The following CLMN variants were observed in gnomAD, a reference collection of about 807,000 sequenced individuals.
CLMN encodes the protein calmin, also known as calmin (calponin-like, transmembrane).
Under a neutral mutation model 92.7 loss-of-function variants are expected in CLMN, and 57 were observed. The observed-to-expected ratio is 0.61, with a 90% confidence interval of 0.50 to 0.77. CLMN has a LOEUF of 0.77. CLMN is among the 30% of genes least tolerant of loss of function. The pLI is 0.00. For synonymous variants in CLMN, 466 were observed against 470.6 expected, an observed-to-expected ratio of 0.99 and a Z score of 0.13; for missense variants, 1,158 against 1,237.5, an observed-to-expected ratio of 0.94 and a Z score of 0.96.
chr14:95,206,660 T>TA (rs1312089461), intron 8 of CLMN, among the ~76,000 whole-genome samples: 1 of 152,244 alleles, frequency 6.6e-6, no homozygotes, highest in Non-Finnish European at 1.5e-5. Flanking sequence ...TAGATGTAAA[T>TA]AGACTGTTCT....
chr14:95,250,422 C>T (rs1898735765), intron 1 of CLMN, among the ~76,000 whole-genome samples: 1 of 152,234 alleles, frequency 6.6e-6, no homozygotes, highest in South Asian at 2.1e-4. Flanking sequence ...CCTGTGGGTA[C>T]TTGCAATTCT....
chr14:95,223,633 T>TA lies in CLMN; in HGVS notation c.240+126dup, dbSNP rs1449792591. 13 of 666,092 alleles carry TA rather than the reference T, an allele frequency of 2.0e-5. No individual in the cohort carries two copies. In the South Asian group the frequency reaches 2.6e-4, roughly 13 times the overall value. 41.3% of individuals were successfully genotyped at this position (666,092 alleles called of 1,614,324 possible). A position where few individuals can be genotyped will look rare whatever the true frequency, so the allele number is the denominator to read the frequency against. ...TGACTATATGGCTTGTAGGCACTAA[T>TA]AAAAAAAGTCACCGCTTCAGAGTTT... On this transcript the variant is annotated intron_variant, in intron 3 of 12. Coordinates refer to ENST00000298912, the MANE Select transcript of CLMN (RefSeq NM_024734.4).
At chr14:95,306,523 C>G (rs1299945773) in intron 1 of CLMN, among the ~76,000 whole-genome samples, 1 of 152,002 alleles carries the variant, frequency 6.6e-6, no homozygotes, top group Non-Finnish European at 1.5e-5. Flanking sequence ...GAGCTAGACT[C>G]CATCTCAAAC....
At chr14:95,279,209 C>A (rs1900049098) in intron 1 of CLMN, among the ~76,000 whole-genome samples, 1 of 152,120 alleles carries the variant, frequency 6.6e-6, no homozygotes, top group South Asian at 2.1e-4. Flanking sequence ...TCTTTGGGAA[C>A]TAAAGATAGT....
intron 1 of CLMN, among the ~76,000 whole-genome samples, chr14:95,260,062 T>C (rs1422098013): frequency 6.6e-6 from 1 of 152,218 alleles, no homozygotes; most frequent in African/African-American, 2.4e-5. Flanking sequence ...CTCTGCATCC[T>C]CCTGTGGGCA....
intron 1 of CLMN, among the ~76,000 whole-genome samples, chr14:95,314,671 C>G (rs1361994527): frequency 2.6e-5 from 4 of 152,336 alleles, no homozygotes; most frequent in African/African-American, 9.6e-5. Flanking sequence ...GCTTCCGCAG[C>G]CGCACAATGC....
At chr14:95,303,873 T>C (rs922610238) in intron 1 of CLMN, among the ~76,000 whole-genome samples, 2 of 152,176 alleles carry the variant, frequency 1.3e-5, no homozygotes, top group Admixed American at 6.5e-5. Context: ...TTTTAGTCCA[T>C]CTCCCAACTT....
intron 1 of CLMN, among the ~76,000 whole-genome samples, chr14:95,271,541 T>C (rs1899711290): frequency 6.6e-6 from 1 of 152,222 alleles, no homozygotes. Flanking sequence ...TGAAATACTA[T>C]GCAGTCACTA....
chr14:95,213,834 C>T (rs1303212440), intron 5 of CLMN, among the ~76,000 whole-genome samples: 1 of 152,150 alleles, frequency 6.6e-6, no homozygotes, highest in Non-Finnish European at 1.5e-5. Context: ...GAACTCCTCT[C>T]ATGAGGACTT....
At chr14:95,282,606 G>A (rs932398907) in intron 1 of CLMN, among the ~76,000 whole-genome samples, 2 of 152,232 alleles carry the variant, frequency 1.3e-5, no homozygotes, top group African/African-American at 2.4e-5. Context: ...CACTGATATG[G>A]CCCCTGGGGA....
chr14:95,251,906 C>T (rs556343491), intron 1 of CLMN, among the ~76,000 whole-genome samples: 40 of 152,292 alleles, frequency 2.6e-4, no homozygotes, highest in African/African-American at 9.1e-4. Context: ...AGGACCCGAG[C>T]CAGGCCTGGG....
intron 1 of CLMN, among the ~76,000 whole-genome samples, chr14:95,315,038 C>A (rs991230294): frequency 6.6e-6 from 1 of 152,152 alleles, no homozygotes; most frequent in African/African-American, 2.4e-5. Flanking sequence ...TGCTGGATAA[C>A]GGTGACCATG....
At chr14:95,317,129 G>A (rs905107347) in intron 1 of CLMN, among the ~76,000 whole-genome samples, 6 of 152,088 alleles carry the variant, frequency 3.9e-5, no homozygotes, top group South Asian at 2.1e-4. Flanking sequence ...GGCACATCCC[G>A]GGCCATCTGA....
chr14:95,268,767 T>C (rs1475209876), intron 1 of CLMN, among the ~76,000 whole-genome samples: 1 of 147,780 alleles, frequency 6.8e-6, no homozygotes, highest in Non-Finnish European at 1.5e-5. Context: ...CTAGTGAGGG[T>C]ATACTGGGAC....
Position 95,183,336 on chromosome 14 carries a change from C to T in CLMN, c.*8228G>A, listed in dbSNP as rs1051325290. 2.0e-5 allele frequency: 3 copies of T among 152,212 alleles called. No individual in the cohort carries two copies. Among genetic ancestry groups the T allele is most frequent in the African/African-American group, 7.2e-5 (3 of 41,444 alleles). 9.4% of individuals were successfully genotyped at this position (152,212 alleles called of 1,614,324 possible). ...AGCATGGGCTTGTAGAGAATACACA[C>T]CTATTGATTTTTGCTGGGGCTAAAG... On this transcript the variant is annotated 3_prime_UTR_variant, in exon 13 of 13. Coordinates refer to ENST00000298912, the MANE Select transcript of CLMN (RefSeq NM_024734.4).
intron 1 of CLMN, among the ~76,000 whole-genome samples, chr14:95,235,486 A>C (rs1403575929): frequency 1.3e-5 from 2 of 152,200 alleles, no homozygotes; most frequent in East Asian, 1.9e-4. Context: ...AGCCAGACAC[A>C]CAGGCTCCAC....
intron 1 of CLMN, among the ~76,000 whole-genome samples, chr14:95,237,519 G>T (rs1224172904): frequency 6.6e-6 from 1 of 152,248 alleles, no homozygotes; most frequent in Non-Finnish European, 1.5e-5. Flanking sequence ...TGAGAGCAAA[G>T]GTCCCCATCC....
At chr14:95,226,134 T>C (rs1468189338) in intron 2 of CLMN, among the ~76,000 whole-genome samples, 2 of 152,186 alleles carry the variant, frequency 1.3e-5, no homozygotes, top group Admixed American at 6.5e-5. Flanking sequence ...TCAGTATCTA[T>C]ATGGGATCGG....
chr14:95,253,930 T>C (rs1278975478), intron 1 of CLMN, among the ~76,000 whole-genome samples: 1 of 152,224 alleles, frequency 6.6e-6, no homozygotes, highest in Non-Finnish European at 1.5e-5. Flanking sequence ...CACAGTTTTT[T>C]AGGCCCAGGA....
Sources: allele counts gnomAD v4.1 joint callset (sites outside exome capture counted in the v4.1 genomes callset), GRCh38; gene constraint gnomAD v4.1.1; transcripts MANE v1.5; gene names NCBI Gene and HGNC (gene_info 2026-07-23, HGNC 2026-07-21).